The following BNC2 variants were observed in gnomAD, a reference collection of about 807,000 sequenced individuals.
The protein encoded by BNC2 is zinc finger protein basonuclin-2.
A neutral mutation model predicts 76.3 loss-of-function variants in BNC2; 20 were observed. That is an observed-to-expected ratio of 0.26 (90% CI 0.18 to 0.38). BNC2 has a LOEUF of 0.38. Ranked by LOEUF, BNC2 falls within the 10% of genes least tolerant of loss-of-function variation. BNC2 has a pLI of 1.00. For synonymous variants in BNC2, 582 were observed against 514.8 expected, an observed-to-expected ratio of 1.13 and a Z score of -1.77; for missense variants, 1,382 against 1,399.8, an observed-to-expected ratio of 0.99 and a Z score of 0.20.
chr9:16,674,165 G>C (rs1298556816), intron 3 of BNC2, among the ~76,000 whole-genome samples: 1 of 152,110 alleles, frequency 6.6e-6, no homozygotes, highest in African/African-American at 2.4e-5. Flanking sequence ...CAGAGGCTTA[G>C]GGGACAGCTA....
chr9:16,582,595 T>C (rs1200094594), intron 4 of BNC2, among the ~76,000 whole-genome samples: 1 of 152,142 alleles, frequency 6.6e-6, no homozygotes, highest in Non-Finnish European at 1.5e-5. Flanking sequence ...TGAGCAGTCA[T>C]CGAGGAGTTC....
At chr9:16,469,202 G>A in intron 5 of BNC2, among the ~76,000 whole-genome samples, 1 of 151,946 alleles carries the variant, frequency 6.6e-6, no homozygotes, top group East Asian at 1.9e-4. Context: ...AAGTGAACAT[G>A]CTCTCAAACA....
Position 16,435,714 on chromosome 9 carries a change from C to G in BNC2, c.2480G>C (p.Cys827Ser). 6.2e-7 allele frequency: 1 copy of G among 1,614,128 alleles called. No homozygotes were observed. The highest frequency in any genetic ancestry group is 1.1e-5 in the South Asian group (1 of 91,080). ...ACAGATTTTGGGGTCTGGGCTAGAA[C>G]ATAGGTCACCTTCTGGGGAGAACTT... ...PQKFSPEGDL[C>S]SSPDPKICYV... The change falls in exon 6 of 7, where the codon TGT becomes TCT. Residue 827 changes from cysteine to serine, a missense_variant. Physicochemically the swap from Cys to Ser is moderately radical, Grantham distance 112. Around this residue, in one of 3 missense-constraint regions of BNC2, gnomAD observed 798 missense variants for 775.5 expected, o/e 1.03. Transcript: ENST00000380672.
chr9:16,478,442 A>G (rs1821973929), intron 5 of BNC2, among the ~76,000 whole-genome samples: 1 of 152,220 alleles, frequency 6.6e-6, no homozygotes, highest in African/African-American at 2.4e-5. Context: ...GTTGTTAATG[A>G]GCAAAGACAC....
At chr9:16,506,681 A>C (rs1822635306) in intron 5 of BNC2, among the ~76,000 whole-genome samples, 1 of 150,816 alleles carries the variant, frequency 6.6e-6, no homozygotes, top group African/African-American at 2.4e-5. Flanking sequence ...ACCCGCCACC[A>C]CACCCAGCTA....
chr9:16,691,862 G>C (rs918472349), intron 3 of BNC2, among the ~76,000 whole-genome samples: 1 of 143,972 alleles, frequency 6.9e-6, no homozygotes, highest in Non-Finnish European at 1.5e-5. Context: ...CCAGGCTGGA[G>C]TGCAGTGGCG....
chr9:16,862,281 T>C (rs1316698884), intron 1 of BNC2, among the ~76,000 whole-genome samples: 1 of 152,202 alleles, frequency 6.6e-6, no homozygotes, highest in Non-Finnish European at 1.5e-5. Flanking sequence ...TGAATGGATA[T>C]ATAAGAGGTA....
At chr9:16,651,631 T>TATAAAATGGCTC (rs1821796556) in intron 3 of BNC2, among the ~76,000 whole-genome samples, 1 of 152,160 alleles carries the variant, frequency 6.6e-6, no homozygotes, top group Admixed American at 6.5e-5. Context: ...CTTGCGATGC[T>TATAAAATGGCTC]ATAAAATGGC....
intron 3 of BNC2, among the ~76,000 whole-genome samples, chr9:16,623,293 A>G (rs1409394686): frequency 2.0e-5 from 3 of 152,204 alleles, no homozygotes; most frequent in African/African-American, 4.8e-5. Context: ...GAGAGAGGGC[A>G]TATTGTACCA....
intron 5 of BNC2, among the ~76,000 whole-genome samples, chr9:16,490,107 A>G (rs539221714): frequency 1.3e-3 from 193 of 152,262 alleles, no homozygotes; most frequent in African/African-American, 4.5e-3. Flanking sequence ...CTTTCTCCCC[A>G]TTGTTAGAGT....
At chr9:16,792,582 A>T (rs1353390710) in intron 1 of BNC2, among the ~76,000 whole-genome samples, 2 of 152,224 alleles carry the variant, frequency 1.3e-5, no homozygotes, top group Non-Finnish European at 2.9e-5. Context: ...CAGTCTGCAG[A>T]AGGGGCCAAA....
chr9:16,491,813 T>C (rs959543957), intron 5 of BNC2, among the ~76,000 whole-genome samples: 38 of 152,206 alleles, frequency 2.5e-4, no homozygotes, highest in African/African-American at 8.9e-4. Context: ...AAAGAAAAAG[T>C]TACTACTACA....
chr9:16,816,659 T>A (rs1818189930), intron 1 of BNC2, among the ~76,000 whole-genome samples: 2 of 152,144 alleles, frequency 1.3e-5, no homozygotes, highest in South Asian at 4.1e-4. Flanking sequence ...CGGCACTTGT[T>A]AAAAAATTAA....
chr9:16,438,758 G>A (rs928760934), intron 5 of BNC2, among the ~76,000 whole-genome samples: 3 of 151,920 alleles, frequency 2.0e-5, no homozygotes, highest in Admixed American at 1.3e-4. Context: ...TAACATTATC[G>A]CAAAAAACCT....
At chr9:16,810,209 C>A (rs994841587) in intron 1 of BNC2, among the ~76,000 whole-genome samples, 24 of 152,154 alleles carry the variant, frequency 1.6e-4, no homozygotes, top group African/African-American at 5.6e-4. Flanking sequence ...TCTACTAGGG[C>A]CCACTGTTAT....
At chr9:16,503,116 T>G (rs753838777) in intron 5 of BNC2, among the ~76,000 whole-genome samples, 3 of 152,118 alleles carry the variant, frequency 2.0e-5, no homozygotes, top group African/African-American at 4.8e-5. Context: ...CAGAGAGTAT[T>G]TGAAAGAAAA....
intron 3 of BNC2, among the ~76,000 whole-genome samples, chr9:16,630,749 C>CTTTTT (rs755684997): frequency 2.9e-5 from 4 of 140,192 alleles, no homozygotes; most frequent in African/African-American, 1.1e-4. Flanking sequence ...TGGAGCGTTT[C>CTTTTT]TTTTTTTGAA....
At chr9:16,422,039 G>A (rs1820721217) in intron 6 of BNC2, among the ~76,000 whole-genome samples, 2 of 152,182 alleles carry the variant, frequency 1.3e-5, no homozygotes, top group African/African-American at 4.8e-5. Context: ...CACTGAATAA[G>A]GAAGAATAAA....
chr9:16,599,684 T>C (rs1820191266), intron 3 of BNC2, among the ~76,000 whole-genome samples: 1 of 152,168 alleles, frequency 6.6e-6, no homozygotes, highest in African/African-American at 2.4e-5. Context: ...CTCGGGAGGC[T>C]GAGGCAGGAG....
Sources: gnomAD v4.1 joint callset for allele counts (sites outside exome capture counted in the v4.1 genomes callset) on GRCh38, gnomAD v4.1.1 for gene constraint, gnomAD v4.1.1 regional missense constraint, MANE v1.5 for transcripts, NCBI Gene and HGNC (gene_info 2026-07-23, HGNC 2026-07-21) for gene names.